Variants in FAM149A observed in about 807,000 individuals in gnomAD.
The protein encoded by FAM149A is family with sequence similarity 149 member A, also known as protein FAM149A.
In FAM149A, 71 loss-of-function variants were observed where a neutral mutation model predicts 78.2. The observed-to-expected ratio is 0.91, with a 90% CI of 0.75 to 1.11. The LOEUF is 1.11. FAM149A is among the 50% of genes least tolerant of loss of function. The probability of loss-of-function intolerance (pLI) is 0.00; values close to 1 mark genes in which losing one functional copy is unlikely to be tolerated. For synonymous variants in FAM149A, 446 were observed against 410.5 expected (o/e 1.09, Z -1.04); for missense variants, 1,036 against 971.0 (o/e 1.07, Z -0.89).
chr4:186,152,091 A>C (rs779957273), intron 4 of FAM149A, 46 bp downstream of exon 4: 6 of 1,597,586 alleles, frequency 3.8e-6, no homozygotes, highest in Admixed American at 1.7e-5. Flanking sequence ...TTTTCCAAGC[A>C]CCCACCCCTG....
chr4:186,114,083 T>G (rs1317134526), intron 1 of FAM149A, among the ~76,000 whole-genome samples: 1 of 112,204 alleles, frequency 8.9e-6, no homozygotes, highest in Non-Finnish European at 1.8e-5. Context: ...TGCTCCTGTA[T>G]TGGGTGCATA....
chr4:186,153,371 A>C, intron 4 of FAM149A: 1 of 968,596 alleles, frequency 1.0e-6, no homozygotes, highest in Non-Finnish European at 1.2e-6. Context: ...GCCATTCATC[A>C]GCCCTGCAAG....
chr4:186,154,573 G>A lies in FAM149A; in HGVS notation c.1164G>A (p.Leu388=). The change falls in exon 6 of 14, where the codon CTG becomes CTA. Residue 388 remains leucine (L), a synonymous_variant. Coordinates refer to ENST00000389354, the MANE Select transcript of FAM149A (RefSeq NM_001367768.3). Reference sequence around the variant, plus strand: ...CTGACCTAACGGCACGTTCATCCCTGGAAGAAGAGGTTTACCATGTGGATG... The same window carrying A: ...CTGACCTAACGGCACGTTCATCCCTAGAAGAAGAGGTTTACCATGTGGATG... The A allele has an allele frequency of 6.2e-7, 1 of 1,614,048 alleles. No homozygotes were observed. The highest frequency in any genetic ancestry group is 8.5e-7 in the Non-Finnish European group (1 of 1,180,002).
At chr4:186,167,586 A>G (rs187202653) in intron 13 of FAM149A, 5 of 338,524 alleles carry the variant, frequency 1.5e-5, no homozygotes, top group African/African-American at 1.0e-4. Flanking sequence ...TTCATGCTCT[A>G]TTTCTAAGTG....
chr4:186,105,242 C>G lies in FAM149A; in HGVS notation c.166C>G (p.Arg56Gly). 3 of 1,232,320 alleles carry G rather than the reference C, an allele frequency of 2.4e-6. No homozygotes were observed. The allele number at this position is 1,232,320 out of a possible 1,614,324, so 76.3% of individuals were successfully genotyped here. A position where few individuals can be genotyped will look rare whatever the true frequency, so the allele number is the denominator to read the frequency against. Residue 56 changes from arginine to glycine, a missense_variant, in exon 1 of 14, where the codon CGC becomes GGC. Arg to Gly is a moderately radical substitution (Grantham distance 125). Transcript: ENST00000389354. ...GTTGGGTACCGCCCCGACCCTCCTC[C>G]GCGCCCTGGCTCCGGACTCCCCCTC...
At chr4:186,135,956 G>A (rs1367527144) in intron 1 of FAM149A, among the ~76,000 whole-genome samples, 2 of 152,196 alleles carry the variant, frequency 1.3e-5, no homozygotes, top group Non-Finnish European at 2.9e-5. Flanking sequence ...GAGGCACCAC[G>A]CGTGTGGAGT....
chr4:186,166,198 C>G (rs1290754778), intron 11 of FAM149A, among the ~76,000 whole-genome samples: 4 of 152,156 alleles, frequency 2.6e-5, no homozygotes, highest in Non-Finnish European at 4.4e-5. Context: ...CACAGAAGGA[C>G]CCCTGTTGTA....
chr4:186,135,074 C>A (rs138671971), intron 1 of FAM149A, among the ~76,000 whole-genome samples: 17 of 152,160 alleles, frequency 1.1e-4, no homozygotes, highest in Non-Finnish European at 2.1e-4. Context: ...TGCAGACTTG[C>A]TGCACCAGAG....
At chr4:186,125,935 C>G (rs779643451) in intron 1 of FAM149A, 3 of 985,338 alleles carry the variant, frequency 3.0e-6, no homozygotes, top group Non-Finnish European at 3.6e-6. Flanking sequence ...GGCAAGAGCG[C>G]GAGGTAACAG....
rs572605470 is a variant in FAM149A at position 186,128,820 on chromosome 4, G to T, written c.567-20353G>T. ...ATATGTATGTGTGTATGGATGGATGGATGTCTGTGTGTATGTGCATGTGTG... is the reference window on the plus strand; with the variant it reads ...ATATGTATGTGTGTATGGATGGATGTATGTCTGTGTGTATGTGCATGTGTG... On this transcript the variant is annotated intron_variant, in intron 1 of 13. Transcript: ENST00000389354. Among the ~76,000 whole-genome samples, 428 of 152,068 alleles carry T rather than the reference G, an allele frequency of 2.8e-3. 2 individuals are homozygous for T. Among genetic ancestry groups the T allele is most frequent in the African/African-American group, 9.9e-3 (412 of 41,504 alleles).
intron 3 of FAM149A, among the ~76,000 whole-genome samples, chr4:186,150,447 TCTC>T (rs1733420829): frequency 1.7e-5 from 2 of 116,126 alleles, no homozygotes; most frequent in African/African-American, 6.7e-5. Flanking sequence ...TGAGACGGAG[TCTC>T]GCTCTGTCGC....
At chr4:186,154,979 T>C (rs1733925825) in intron 6 of FAM149A, 1 of 952,542 alleles carries the variant, frequency 1.0e-6, no homozygotes, top group Non-Finnish European at 1.2e-6. Context: ...TTTTTTTTTT[T>C]TGAGACGGAG....
At chr4:186,133,493 G>A (rs12510431) in intron 1 of FAM149A, among the ~76,000 whole-genome samples, 47,256 of 151,972 alleles carry the variant, frequency 0.31, 7,652 homozygotes, top group East Asian at 0.51. Flanking sequence ...TTCACTTAGC[G>A]TAAAGATTTT....
At chr4:186,113,690 G>A (rs959942576) in intron 1 of FAM149A, among the ~76,000 whole-genome samples, 2 of 150,570 alleles carry the variant, frequency 1.3e-5, no homozygotes, top group Admixed American at 6.6e-5. Flanking sequence ...CAGTTTCCAT[G>A]TAGTTGAGCG....
At chr4:186,137,203 T>C (rs999373607) in intron 1 of FAM149A, among the ~76,000 whole-genome samples, 5 of 151,994 alleles carry the variant, frequency 3.3e-5, no homozygotes, top group African/African-American at 1.2e-4. Flanking sequence ...TGGACTGATC[T>C]GGATAAAGCT....
chr4:186,154,012 T>C (rs1003143764), intron 5 of FAM149A, among the ~76,000 whole-genome samples: 4 of 152,180 alleles, frequency 2.6e-5, no homozygotes, highest in African/African-American at 9.7e-5. Flanking sequence ...ACACACATGG[T>C]AGTTACCTTC....
rs749604473 is a variant in FAM149A at position 186,174,005 on chromosome 4, G to T, written c.*2018G>T. On this transcript the variant is annotated 3_prime_UTR_variant, in exon 14 of 14. Transcript: ENST00000389354. Reference sequence around the variant, plus strand: ...TTACTGCTCAAAGCATGACCCACTTGCTCTTTCAGATCCACTCAGGGTATT... The same window carrying T: ...TTACTGCTCAAAGCATGACCCACTTTCTCTTTCAGATCCACTCAGGGTATT... Among the ~76,000 whole-genome samples, 6 of 109,016 alleles carry T rather than the reference G, an allele frequency of 5.5e-5. 2 individuals carry two copies. The highest frequency in any genetic ancestry group is 1.4e-4 in the Non-Finnish European group (6 of 43,622). The allele number at this position is 109,016 out of a possible 152,430, so 71.5% of individuals were successfully genotyped here.
intron 10 of FAM149A, 64 bp downstream of exon 10, chr4:186,163,697 G>A: frequency 8.3e-7 from 1 of 1,204,924 alleles, no homozygotes; most frequent in Non-Finnish European, 1.2e-6. Flanking sequence ...TCTCAGTTAG[G>A]GTTTATGGAT....
rs115716663 is a variant in FAM149A, at chr4:186,108,169, C to T, written c.566+2527C>T. 2.3e-3 allele frequency among the ~76,000 whole-genome samples: 352 copies of T among 152,112 alleles called. 1 individual carries two copies. Among genetic ancestry groups the T allele is most frequent in the African/African-American group, 8.1e-3 (335 of 41,480 alleles). ...TAGCCTGTGTGGTTAATATTAAAAT[C>T]AGGAATTTAAATTTCAAAAGCCTGG... On this transcript the variant is annotated intron_variant, in intron 1 of 13. Transcript: ENST00000389354.
Sources: gnomAD v4.1 joint callset for allele counts (sites outside exome capture counted in the v4.1 genomes callset) on GRCh38, gnomAD v4.1.1 for gene constraint, MANE v1.5 for transcripts, NCBI Gene and HGNC (gene_info 2026-07-23, HGNC 2026-07-21) for gene names.